The following PPFIBP2 variants were observed in gnomAD, a reference collection of about 807,000 sequenced individuals.
The protein encoded by PPFIBP2 is liprin-beta-2.
PPFIBP2 carries 118 observed loss-of-function variants against 118.3 expected under a neutral mutation model. The observed-to-expected ratio is 1.00, with a 90% confidence interval of 0.86 to 1.16. The LOEUF is 1.16. PPFIBP2 is among the 50% of genes most tolerant of loss of function. The probability of loss-of-function intolerance (pLI) is 0.00; values close to 1 mark genes in which losing one functional copy is unlikely to be tolerated. For missense variants in PPFIBP2, 1,195 were observed against 1,073.1 expected, an observed-to-expected ratio of 1.11 and a Z score of -1.59; for synonymous variants, 414 against 397.4, an observed-to-expected ratio of 1.04 and a Z score of -0.50.
chr11:7,562,929 T>TTATATATATATATATA (rs60848890), intron 2 of PPFIBP2, among the ~76,000 whole-genome samples: 1 of 86,534 alleles, frequency 1.2e-5, no homozygotes, highest in Admixed American at 1.7e-4. Context: ...AATTAAAGTT[T>TTATATATATATATATA]TATATATATA....
chr11:7,552,068 G>C (rs1467249545), intron 2 of PPFIBP2, among the ~76,000 whole-genome samples: 1 of 152,222 alleles, frequency 6.6e-6, no homozygotes, highest in Non-Finnish European at 1.5e-5. Flanking sequence ...GTCTGGAACA[G>C]GTATGAGAGT....
At chr11:7,649,833 TCACAGTAG>T (rs1412055778) in intron 21 of PPFIBP2, among the ~76,000 whole-genome samples, 179 bp downstream of exon 21, 5 of 152,208 alleles carry the variant, frequency 3.3e-5, no homozygotes, top group Admixed American at 1.3e-4. Flanking sequence ...ACTTTGTGTC[TCACAGTAG>T]CCATAGACCT....
At chr11:7,659,442 A>G (rs1383621827), downstream of PPFIBP2, among the ~76,000 whole-genome samples, 30 of 144,758 alleles carry the variant, frequency 2.1e-4, no homozygotes, top group Admixed American at 2.0e-3. Flanking sequence ...TTTGTCAAAG[A>G]TCAGATAGTT....
At chr11:7,638,404 C>G (rs1206506045) in intron 14 of PPFIBP2, among the ~76,000 whole-genome samples, 2 of 152,216 alleles carry the variant, frequency 1.3e-5, no homozygotes, top group Non-Finnish European at 2.9e-5. Flanking sequence ...CCAGTTCTTT[C>G]AGAATTCAGT....
downstream of PPFIBP2, chr11:7,653,767 C>T: frequency 1.7e-6 from 2 of 1,200,090 alleles, no homozygotes; most frequent in Non-Finnish European, 2.1e-6. Context: ...GCAAGCAGCT[C>T]ACCATATCTT....
At chr11:7,602,933 T>C (rs954788132) in intron 5 of PPFIBP2, among the ~76,000 whole-genome samples, 2 of 152,218 alleles carry the variant, frequency 1.3e-5, no homozygotes, top group Non-Finnish European at 2.9e-5. Context: ...CAATATGGAC[T>C]CTGTATTGCC....
chr11:7,566,059 C>T (rs974268421), intron 3 of PPFIBP2, among the ~76,000 whole-genome samples: 2 of 145,688 alleles, frequency 1.4e-5, no homozygotes, highest in Admixed American at 1.3e-4. Context: ...ACACACACAC[C>T]CTCGAATTAC....
chr11:7,545,847 A>C (rs1348259948), intron 1 of PPFIBP2, among the ~76,000 whole-genome samples: 1 of 152,196 alleles, frequency 6.6e-6, no homozygotes, highest in Non-Finnish European at 1.5e-5. Context: ...CAACCTGGTG[A>C]TTAGAGGGTT....
chr11:7,544,555 A>C (rs565667812), intron 1 of PPFIBP2, among the ~76,000 whole-genome samples: 1 of 152,144 alleles, frequency 6.6e-6, no homozygotes, highest in African/African-American at 2.4e-5. Flanking sequence ...TGGGTGGATC[A>C]CGAGGTCAGG....
chr11:7,593,422 G>A (rs1859705506), intron 4 of PPFIBP2, among the ~76,000 whole-genome samples, 198 bp downstream of exon 4: 1 of 152,094 alleles, frequency 6.6e-6, no homozygotes, highest in South Asian at 2.1e-4. Flanking sequence ...TGGCTTAGGG[G>A]GGCTGTGAAT....
At chr11:7,549,344 C>T (rs369654276) in intron 1 of PPFIBP2, 96 bp from the exon 2 acceptor site, 9 of 1,092,494 alleles carry the variant, frequency 8.2e-6, no homozygotes, top group East Asian at 5.2e-5. Context: ...TATGAAAACA[C>T]GTTGTGTGAT....
At chr11:7,648,976 C>T (rs957197828) in intron 19 of PPFIBP2, 65 bp downstream of exon 19, 2 of 1,455,552 alleles carry the variant, frequency 1.4e-6, no homozygotes, top group African/African-American at 2.8e-5. Flanking sequence ...AAGAATTTTC[C>T]TGTTAAATGG....
At chr11:7,520,506 A>ATCT (rs1237481152) in intron 1 of PPFIBP2, among the ~76,000 whole-genome samples, 1 of 143,170 alleles carries the variant, frequency 7.0e-6, no homozygotes. Context: ...TGGCCATAAG[A>ATCT]TTTTTTTTTT....
intron 6 of PPFIBP2, among the ~76,000 whole-genome samples, chr11:7,618,098 T>A (rs1387088171): frequency 6.6e-6 from 1 of 152,148 alleles, no homozygotes; most frequent in Non-Finnish European, 1.5e-5. Context: ...AGGAAGTTAC[T>A]ATGGTCCATA....
At chr11:7,640,296 G>A (rs937199774) in intron 15 of PPFIBP2, among the ~76,000 whole-genome samples, 2 of 152,038 alleles carry the variant, frequency 1.3e-5, no homozygotes, top group Non-Finnish European at 2.9e-5. Context: ...CTTCTCTGCA[G>A]CTTCCCTATT....
intron 3 of PPFIBP2, among the ~76,000 whole-genome samples, chr11:7,588,781 A>G (rs542933089): frequency 9.2e-5 from 14 of 152,246 alleles, no homozygotes; most frequent in Non-Finnish European, 1.5e-4. Flanking sequence ...CTTGGCTTCA[A>G]TGATCTTGAC....
In PPFIBP2 at chr11:7,625,897, T is replaced by C; in HGVS notation, c.826+6T>C. On this transcript the variant is annotated splice_donor_region_variant and intron_variant, in intron 8 of 23. Coordinates refer to ENST00000299492, the MANE Select transcript of PPFIBP2 (RefSeq NM_003621.5). ...TGAGAGTCACACAGAGAGAGGTGAC[T>C]AGCTTGACTCTGACAAAATGCAGTT... The C allele has an allele frequency of 2.5e-6, 4 of 1,612,312 alleles. No homozygotes were observed. Among genetic ancestry groups the C allele is most frequent in the Non-Finnish European group, 3.4e-6 (4 of 1,178,420 alleles).
At chr11:7,565,346 C>CT (rs1291580550) in intron 2 of PPFIBP2, among the ~76,000 whole-genome samples, 1 of 152,212 alleles carries the variant, frequency 6.6e-6, no homozygotes, top group Admixed American at 6.5e-5. Flanking sequence ...ATATTGTGCA[C>CT]TACAGCCTGG....
intron 10 of PPFIBP2, 61 bp downstream of exon 10, chr11:7,629,595 C>G: frequency 1.3e-6 from 2 of 1,521,508 alleles, no homozygotes; most frequent in Non-Finnish European, 1.8e-6. Context: ...TGTGTTAAAG[C>G]CAGGGGCAGT....
Sources: allele counts gnomAD v4.1 joint callset (sites outside exome capture counted in the v4.1 genomes callset), GRCh38; gene constraint gnomAD v4.1.1; transcripts MANE v1.5; gene names NCBI Gene and HGNC (gene_info 2026-07-23, HGNC 2026-07-21).